The following GLRA1 variants were observed in gnomAD, a reference collection of about 807,000 sequenced individuals.
GLRA1 encodes the protein glycine receptor subunit alpha-1.
In GLRA1, 37 loss-of-function variants were observed where a neutral mutation model predicts 48.3. The observed-to-expected ratio is 0.77, with a 90% CI of 0.59 to 1.01. GLRA1 has a LOEUF of 1.01. Ranked by LOEUF, GLRA1 falls within the 50% of genes least tolerant of loss-of-function variation. The pLI is 0.00. For synonymous variants in GLRA1, 196 were observed against 210.7 expected (o/e 0.93, Z 0.60); for missense variants, 427 against 571.0 (o/e 0.75, Z 2.57).
Position 151,878,229 on chromosome 5 carries a change from G to T in GLRA1, c.252+8492C>A, listed in dbSNP as rs7731695. Among the ~76,000 whole-genome samples, 1,430 of 152,314 alleles carry T rather than the reference G, an allele frequency of 9.4e-3. 20 individuals carry two copies. The highest frequency in any genetic ancestry group is 0.032 in the African/African-American group (1,337 of 41,566). On this transcript the variant is annotated intron_variant, in intron 3 of 8. Coordinates refer to ENST00000274576, the MANE Select transcript of GLRA1 (RefSeq NM_000171.4). Reference sequence around the variant, plus strand: ...TTATGTTTTAGCAAAGAGACTGGCAGCATTTTGCCCCTGCCCCAGAGATTT... The same window carrying T: ...TTATGTTTTAGCAAAGAGACTGGCATCATTTTGCCCCTGCCCCAGAGATTT...
intron 1 of GLRA1, among the ~76,000 whole-genome samples, chr5:151,911,695 T>A (rs573892531): frequency 1.5e-5 from 2 of 134,370 alleles, no homozygotes; most frequent in South Asian, 5.1e-4. Context: ...AAGCTCCACC[T>A]CCCGGGTTCA....
At chr5:151,866,104 AG>A (rs1476603569) in intron 3 of GLRA1, among the ~76,000 whole-genome samples, 1 of 152,172 alleles carries the variant, frequency 6.6e-6, no homozygotes, top group Admixed American at 6.5e-5. Flanking sequence ...GCTGGCTTCT[AG>A]GTCTCAAACT....
At position 151,829,037 on chromosome 5, in the gene GLRA1, T is replaced by A. The variant is rs1763351077; in HGVS notation, c.943A>T (p.Met315Leu). 1 of 1,614,064 alleles carries A rather than the reference T, an allele frequency of 6.2e-7. No homozygotes were observed. The highest frequency in any genetic ancestry group is 1.3e-5 in the African/African-American group (1 of 75,038). ...AACACAAAGAGCAGGCAAACTGCCA[T>A]CCAAATGTCAATGGCTTTCACATAG... The part of the protein sequence containing the change: ...VSYVKAIDIW[M>L]AVCLLFVFSA... Residue 315 changes from methionine (M) to leucine (L), a missense_variant, in exon 8 of 9, where the codon ATG becomes TTG. Met to Leu is a conservative substitution (Grantham distance 15). Around this residue, in one of 4 missense-constraint regions of GLRA1, gnomAD observed 271 missense variants for 434.9 expected, o/e 0.62. Transcript: ENST00000274576.
chr5:151,825,080 G>A (rs866305865), intron 8 of GLRA1, among the ~76,000 whole-genome samples: 35 of 152,310 alleles, frequency 2.3e-4, no homozygotes, highest in African/African-American at 8.2e-4. Context: ...GCAAAAGTGA[G>A]GAGGAAGAGG....
chr5:151,868,691 A>C (rs551159679), intron 3 of GLRA1, among the ~76,000 whole-genome samples: 2 of 152,334 alleles, frequency 1.3e-5, no homozygotes, highest in South Asian at 4.1e-4. Flanking sequence ...GATGCCCACA[A>C]CTAACAGGAA....
At chr5:151,917,142 A>G (rs914611025) in intron 1 of GLRA1, among the ~76,000 whole-genome samples, 4 of 152,196 alleles carry the variant, frequency 2.6e-5, no homozygotes, top group African/African-American at 9.7e-5. Flanking sequence ...GATGTATGTC[A>G]GGCGTTCTCA....
chr5:151,874,581 G>C (rs1357136399), intron 3 of GLRA1, among the ~76,000 whole-genome samples: 1 of 152,124 alleles, frequency 6.6e-6, no homozygotes, highest in Non-Finnish European at 1.5e-5. Context: ...AGGGAAACAA[G>C]GTCCCCACTC....
chr5:151,863,788 T>G (rs1445051218), intron 3 of GLRA1, among the ~76,000 whole-genome samples: 1 of 152,132 alleles, frequency 6.6e-6, no homozygotes, highest in Non-Finnish European at 1.5e-5. Flanking sequence ...ACAAACAACC[T>G]TCCTCCCCAC....
chr5:151,839,436 G>A lies in GLRA1; in HGVS notation c.913-10369C>T, dbSNP rs567158955. Among the ~76,000 whole-genome samples the A allele has an allele frequency of 2.0e-4, 30 of 152,284 alleles. No homozygotes were observed. In the South Asian group the frequency reaches 2.7e-3, roughly 14 times the overall value. ...AGTAAATCAATGATTGTAAACCTGT[G>A]TTAATCAACATATAATGAAGATGTA... On this transcript the variant is annotated intron_variant, in intron 7 of 8. Transcript: ENST00000274576.
At chr5:151,905,651 C>A (rs1754457333) in intron 1 of GLRA1, among the ~76,000 whole-genome samples, 1 of 152,104 alleles carries the variant, frequency 6.6e-6, no homozygotes, top group South Asian at 2.1e-4. Flanking sequence ...GAGCCCCTTC[C>A]AACCCCCCAG....
chr5:151,836,767 C>T (rs1763587283), intron 7 of GLRA1, among the ~76,000 whole-genome samples: 2 of 152,150 alleles, frequency 1.3e-5, no homozygotes, highest in African/African-American at 4.8e-5. Context: ...AAACTGCACC[C>T]CTTCCTTACA....
At chr5:151,897,620 T>C (rs1754254995) in intron 1 of GLRA1, among the ~76,000 whole-genome samples, 1 of 152,190 alleles carries the variant, frequency 6.6e-6, no homozygotes, top group Non-Finnish European at 1.5e-5. Flanking sequence ...CTATACAAAG[T>C]ATTAGACTAT....
At chr5:151,921,538 C>T (rs556026269) in intron 1 of GLRA1, among the ~76,000 whole-genome samples, 36 of 152,264 alleles carry the variant, frequency 2.4e-4, no homozygotes, top group African/African-American at 5.8e-4. Flanking sequence ...GTGTCAACAG[C>T]GCAGAGCTGG....
chr5:151,853,880 G>A (rs1327943219), intron 6 of GLRA1, among the ~76,000 whole-genome samples: 1 of 151,814 alleles, frequency 6.6e-6, no homozygotes, highest in Non-Finnish European at 1.5e-5. Context: ...ATCTTAAAGT[G>A]TTCTTACTAG....
At chr5:151,834,797 G>T (rs944290103) in intron 7 of GLRA1, among the ~76,000 whole-genome samples, 3 of 152,068 alleles carry the variant, frequency 2.0e-5, no homozygotes, top group Non-Finnish European at 2.9e-5. Context: ...GGAGGCCAAG[G>T]TGGGTGGATC....
At chr5:151,916,113 A>G (rs1313765047) in intron 1 of GLRA1, among the ~76,000 whole-genome samples, 1 of 152,192 alleles carries the variant, frequency 6.6e-6, no homozygotes, top group Non-Finnish European at 1.5e-5. Context: ...AGGAGCAAGG[A>G]GATCTGTATT....
intron 2 of GLRA1, among the ~76,000 whole-genome samples, chr5:151,887,505 T>C (rs750681588): frequency 6.6e-6 from 1 of 152,204 alleles, no homozygotes; most frequent in African/African-American, 2.4e-5. Flanking sequence ...CATCATTTCA[T>C]TTCATCATTT....
At chr5:151,882,068 TG>T (rs1289056682) in intron 3 of GLRA1, among the ~76,000 whole-genome samples, 3 of 152,178 alleles carry the variant, frequency 2.0e-5, no homozygotes, top group Non-Finnish European at 4.4e-5. Context: ...TGTGTGTCCA[TG>T]GGCAAGTGCA....
chr5:151,867,385 A>G (rs1411120161), intron 3 of GLRA1, among the ~76,000 whole-genome samples: 1 of 152,152 alleles, frequency 6.6e-6, no homozygotes, highest in African/African-American at 2.4e-5. Context: ...AGGGTAAGAC[A>G]TTAAGACTAG....
Sources: allele counts gnomAD v4.1 joint callset (sites outside exome capture counted in the v4.1 genomes callset), GRCh38; gene constraint gnomAD v4.1.1; regional missense constraint gnomAD v4.1.1; transcripts MANE v1.5; gene names NCBI Gene and HGNC (gene_info 2026-07-23, HGNC 2026-07-21).